Variants in TEKT1 observed in about 807,000 individuals in gnomAD.
TEKT1 encodes tektin-1.
Under a neutral mutation model 34.8 loss-of-function variants are expected in TEKT1, and 32 were observed. The observed-to-expected ratio is 0.92, with a 90% CI of 0.69 to 1.23. The LOEUF is 1.23. TEKT1 is among the 50% of genes most tolerant of loss of function. The pLI is 0.00. For missense variants in TEKT1, 492 were observed against 518.5 expected, an observed-to-expected ratio of 0.95 and a Z score of 0.50; for synonymous variants, 207 against 199.8, an observed-to-expected ratio of 1.04 and a Z score of -0.30.
At chr17:6,823,815 C>CTTTTTTTTTTTTTTTTTTTTTTTTTTTT (rs33937600) in intron 2 of TEKT1, among the ~76,000 whole-genome samples, 1 of 77,640 alleles carries the variant, frequency 1.3e-5, no homozygotes, top group Non-Finnish European at 2.2e-5. Flanking sequence ...AAACCTCATC[C>CTTTTTTTTTTTTTTTTTTTTTTTTTTTT]TTTTTTTTTT....
Position 6,799,205 on chromosome 17 carries a change from T to C in TEKT1, c.*822A>G, listed in dbSNP as rs1274897848. The C allele has an allele frequency of 1.3e-5, 2 of 152,150 alleles. No homozygotes were observed. Among genetic ancestry groups the C allele is most frequent in the African/African-American group, 2.4e-5 (1 of 41,420 alleles). The allele number at this position is 152,150 out of a possible 1,614,324, so 9.4% of individuals were successfully genotyped here. A position where few individuals can be genotyped will look rare whatever the true frequency, so the allele number is the denominator to read the frequency against. ...AAGAAACAGTAAGTATATAAAACAGTCTTGCTGAAAACTTGTAAAGAGGTA... is the reference window on the plus strand; with the variant it reads ...AAGAAACAGTAAGTATATAAAACAGCCTTGCTGAAAACTTGTAAAGAGGTA... On this transcript the variant is annotated 3_prime_UTR_variant, in exon 8 of 8. Coordinates refer to ENST00000338694, the MANE Select transcript of TEKT1 (RefSeq NM_053285.2).
chr17:6,817,457 A>G (rs1295078275), intron 3 of TEKT1, among the ~76,000 whole-genome samples: 1 of 152,126 alleles, frequency 6.6e-6, no homozygotes, highest in East Asian at 1.9e-4. Context: ...TCTGCCAGTG[A>G]GCACTTACTC....
rs745934660 is a variant in TEKT1 at position 6,800,849 on chromosome 17, C to T, written c.947G>A (p.Arg316His). 2.5e-6 allele frequency: 4 copies of T among 1,613,998 alleles called. No homozygotes were observed. Among genetic ancestry groups the T allele is most frequent in the South Asian group, 2.2e-5 (2 of 91,074 alleles). The change falls in exon 7 of 8, where the codon CGC (arginine) becomes CAC (histidine). Residue 316 changes from arginine to histidine, a missense_variant. Transcript: ENST00000338694. ...QEGPAKVAHT[R>H]LETRTHRPNV... ...CGGCCGGTGTGTCCTGGTCTCCAAG[C>T]GCGTATGAGCCACCTTGGCTGGCCC...
chr17:6,826,633 TA>T (rs1904403455), intron 2 of TEKT1, among the ~76,000 whole-genome samples: 2 of 150,098 alleles, frequency 1.3e-5, no homozygotes, highest in African/African-American at 4.9e-5. Context: ...GATAGATAGA[TA>T]GATAGATAGA....
intron 1 of TEKT1, 47 bp from the exon 2 acceptor site, chr17:6,830,440 T>C: frequency 7.9e-7 from 1 of 1,265,498 alleles, no homozygotes; most frequent in Non-Finnish European, 1.1e-6. Context: ...CAATTTGTCC[T>C]TTTTTATGAT....
At position 6,811,200 on chromosome 17, in the gene TEKT1, G is replaced by A. The variant is rs1020101204; in HGVS notation, c.852+1631C>T. On this transcript the variant is annotated intron_variant, in intron 6 of 7. Coordinates refer to ENST00000338694, the MANE Select transcript of TEKT1 (RefSeq NM_053285.2). The surrounding 1 kb of genome is among the most constrained non-coding windows in gnomAD (Gnocchi z 4.4). ...CTATACTAAGTTCTTATTCCACCAG[G>A]AAGTCTCTGGATTATTCCTTGGCTA... 3.3e-5 allele frequency among the ~76,000 whole-genome samples: 5 copies of A among 151,798 alleles called. No individual in the cohort carries two copies. Among genetic ancestry groups the A allele is most frequent in the East Asian group, 1.9e-4 (1 of 5,184 alleles).
At chr17:6,830,161 C>T (rs777151908) in intron 2 of TEKT1, 26 bp downstream of exon 2, 15 of 1,596,126 alleles carry the variant, frequency 9.4e-6, no homozygotes, top group Non-Finnish European at 1.3e-5. Context: ...AGCATGTTCA[C>T]GAATATGCCA....
chr17:6,806,074 G>T (rs890746596), intron 6 of TEKT1, among the ~76,000 whole-genome samples: 1 of 152,144 alleles, frequency 6.6e-6, no homozygotes, highest in African/African-American at 2.4e-5. Flanking sequence ...GGGTGGTAAA[G>T]TCTCCCATTA....
At position 6,819,287 on chromosome 17, in the gene TEKT1, T is replaced by A. The variant is rs1340771295; in HGVS notation, c.262A>T (p.Thr88Ser). The change falls in exon 3 of 8, where the codon ACT becomes TCT. Residue 88 changes from threonine to serine, a missense_variant. Thr to Ser is a moderately conservative substitution (Grantham distance 58). Transcript: ENST00000338694. ...ATCTTATATATGAGTAGATCATCAG[T>A]TACATTCACAAGCTGCTCAAGTTTG... ...DDKLEQLVNV[T>S]DDLLIYKIRL... 6.2e-7 allele frequency: 1 copy of A among 1,614,118 alleles called. No homozygotes were observed. Among genetic ancestry groups the A allele is most frequent in the Admixed American group, 1.7e-5 (1 of 60,010 alleles).
chr17:6,814,906 C>T, intron 5 of TEKT1: 1 of 383,720 alleles, frequency 2.6e-6, no homozygotes, highest in South Asian at 6.1e-5. Flanking sequence ...TTGTTAAAAA[C>T]ATGTATAGAT....
At chr17:6,802,908 A>G (rs1489183285) in intron 6 of TEKT1, among the ~76,000 whole-genome samples, 4 of 152,118 alleles carry the variant, frequency 2.6e-5, no homozygotes, top group Admixed American at 2.0e-4. Flanking sequence ...GAATAGTGCC[A>G]CAATAAACAT....
In TEKT1 at chr17:6,815,835, GA is replaced by G; in HGVS notation, c.483del (p.Arg162GlyfsTer2). 8 of 1,614,134 alleles carry G rather than the reference GA, an allele frequency of 5.0e-6. No individual in the cohort carries two copies. The South Asian group carries it at 8.8e-5, about 18-fold the overall frequency. ...TRTLEEASEQ[I>X]RMNRSAKYNL... The stretch of plus-strand genomic sequence containing the variant: ...GGAGGGCAGGCCGAAGAGTCATACC[GA>G]ATCTGCTCGGAAGCCTCCTCCAAGG... On this transcript the variant is annotated frameshift_variant and splice_region_variant, in exon 4 of 8. Coordinates refer to ENST00000338694, the MANE Select transcript of TEKT1 (RefSeq NM_053285.2). LOFTEE classifies it high-confidence loss of function.
Position 6,800,051 on chromosome 17 carries a change from G to A in TEKT1, c.1233C>T (p.Gly411=). The A allele has an allele frequency of 1.9e-6, 3 of 1,610,384 alleles. No individual in the cohort carries two copies. Among genetic ancestry groups the A allele is most frequent in the Non-Finnish European group, 2.5e-6 (3 of 1,179,958 alleles). ...DGEDHGVWAG[G]LRPDAVC is the part of the protein sequence containing the mutation. ...ATTAGCAGACAGCATCAGGGCGGAG[G>A]CCCCCAGCCCAGACCCCATGGTCTT... is the stretch of plus-strand genomic sequence containing the variant. The change falls in exon 8 of 8, where the codon GGC becomes GGT. Residue 411 remains glycine (G), a synonymous_variant. Coordinates refer to ENST00000338694, the MANE Select transcript of TEKT1 (RefSeq NM_053285.2).
chr17:6,806,794 C>T (rs1976850706), intron 6 of TEKT1, among the ~76,000 whole-genome samples: 1 of 152,132 alleles, frequency 6.6e-6, no homozygotes, highest in South Asian at 2.1e-4. Context: ...TGAATATCGG[C>T]CCCCACTCTC....
intron 3 of TEKT1, among the ~76,000 whole-genome samples, chr17:6,817,718 C>T (rs1006751535): frequency 6.6e-6 from 1 of 152,162 alleles, no homozygotes; most frequent in African/African-American, 2.4e-5. Flanking sequence ...TAGCTGGGTG[C>T]CCTTAGCCAC....
intron 6 of TEKT1, among the ~76,000 whole-genome samples, chr17:6,802,243 T>A (rs1976783912): frequency 6.6e-6 from 1 of 152,202 alleles, no homozygotes; most frequent in African/African-American, 2.4e-5. Context: ...AAACACTTCT[T>A]AAGGTTTTCA....
Position 6,813,068 on chromosome 17 carries a change from A to C in TEKT1, c.630-15T>G. 1.2e-6 allele frequency: 2 copies of C among 1,603,608 alleles called. No homozygotes were observed. Among genetic ancestry groups the C allele is most frequent in the Non-Finnish European group, 1.7e-6 (2 of 1,172,794 alleles). ...GACTCACGGAGCTGAAACAGACCTC[A>C]CGCTTTCATTCACAGCATATTTGGG... is the stretch of plus-strand genomic sequence containing the variant. On this transcript the variant is annotated splice_polypyrimidine_tract_variant and intron_variant, in intron 5 of 7. Transcript: ENST00000338694.
chr17:6,828,544 C>T (rs1362315636), intron 2 of TEKT1, among the ~76,000 whole-genome samples: 1 of 152,166 alleles, frequency 6.6e-6, no homozygotes, highest in Non-Finnish European at 1.5e-5. Context: ...AATCAGGCAA[C>T]ACTGGGCTCA....
rs201208968 is a variant in TEKT1, at chr17:6,819,231, T to C, written c.318A>G (p.Lys106=). 20 of 1,614,068 alleles carry C rather than the reference T, an allele frequency of 1.2e-5. No individual in the cohort carries two copies. The highest frequency in any genetic ancestry group is 1.4e-5 in the Non-Finnish European group (17 of 1,179,976). ...IRLEKALETL[K]EPLHITETCL... ...ATGTCTCAGTGATGTGCAAGGGCTC[T>C]TTCAAGGTCTCCAGGGCTTTTTCCA... The change falls in exon 3 of 8, where the codon AAA becomes AAG. Residue 106 remains lysine, a synonymous_variant. Transcript: ENST00000338694.
Sources: allele counts gnomAD v4.1 joint callset (sites outside exome capture counted in the v4.1 genomes callset), GRCh38; gene constraint gnomAD v4.1.1; non-coding constraint Gnocchi (gnomAD v3.1); transcripts MANE v1.5; gene names NCBI Gene and HGNC (gene_info 2026-07-23, HGNC 2026-07-21).